The following CLMN variants were observed in gnomAD, a reference collection of about 807,000 sequenced individuals.
The protein encoded by CLMN is calmin.
A neutral mutation model predicts 92.7 loss-of-function variants in CLMN; 57 were observed. That is an observed-to-expected ratio of 0.61 (90% CI 0.50 to 0.77). CLMN has a LOEUF of 0.77. Ranked by LOEUF, CLMN falls within the 30% of genes least tolerant of loss-of-function variation. The pLI, the probability that CLMN is intolerant of heterozygous loss-of-function variation, is 0.00. For missense variants in CLMN, 1,158 were observed against 1,237.5 expected (o/e 0.94, Z 0.96); for synonymous variants, 466 against 470.6 (o/e 0.99, Z 0.13).
Position 95,203,023 on chromosome 14 carries a change from C to T in CLMN, c.2326G>A (p.Gly776Ser). 1 of 1,614,132 alleles carries T rather than the reference C, an allele frequency of 6.2e-7. No individual in the cohort carries two copies. The highest frequency in any genetic ancestry group is 2.2e-5 in the East Asian group (1 of 44,874). The change falls in exon 9 of 13, where the codon GGC becomes AGC. Residue 776 changes from glycine to serine, a missense_variant. By Grantham distance (56) the Gly-to-Ser change is moderately conservative. Coordinates refer to ENST00000298912, the MANE Select transcript of CLMN (RefSeq NM_024734.4). Reference sequence around the variant, plus strand: ...GAGGAACTGGAGCTGCTCTGAGAGCCATCGGCCTCCTCCTCCCTGGAGTCC... The same window carrying T: ...GAGGAACTGGAGCTGCTCTGAGAGCTATCGGCCTCCTCCTCCCTGGAGTCC... ...DLDSREEEAD[G>S]SQSSSSSSVP...
chr14:95,303,314 T>C (rs962066777), intron 1 of CLMN, among the ~76,000 whole-genome samples: 1 of 152,206 alleles, frequency 6.6e-6, no homozygotes, highest in African/African-American at 2.4e-5. Flanking sequence ...CAAAGCACCC[T>C]ATGTGCAGCA....
chr14:95,213,311 T>C lies in CLMN; in HGVS notation c.516A>G (p.Thr172=), dbSNP rs2140597135. The stretch of plus-strand genomic sequence containing the variant: ...TTGCCACGCTCCTCTCTGCAGTGGG[T>C]GTGGGTGGGAAGGATGAGTCTGAGT... ...GTDSDSSFPP[T]PTAERSVAIS... The change falls in exon 6 of 13, where the codon ACA becomes ACG. Residue 172 remains threonine, a synonymous_variant. Coordinates refer to ENST00000298912, the MANE Select transcript of CLMN (RefSeq NM_024734.4). 6.2e-7 allele frequency: 1 copy of C among 1,613,656 alleles called. No homozygotes were observed. The highest frequency in any genetic ancestry group is 2.2e-5 in the East Asian group (1 of 44,868).
intron 1 of CLMN, among the ~76,000 whole-genome samples, chr14:95,250,387 G>A (rs1898734144): frequency 6.6e-6 from 1 of 152,180 alleles, no homozygotes; most frequent in African/African-American, 2.4e-5. Flanking sequence ...ACATACTTCA[G>A]TAATAAGCAT....
intron 1 of CLMN, among the ~76,000 whole-genome samples, chr14:95,304,658 AGTACAATTGTACTGATTGTACAGATTGTT>A (rs1244994950): frequency 1.3e-5 from 2 of 152,130 alleles, no homozygotes; most frequent in East Asian, 3.9e-4. Context: ...CAATCTATAT[AGTACAATTGTACTGATTGTACAGATTGTT>A]GTACAATCTG....
chr14:95,306,637 A>C (rs28733134), intron 1 of CLMN, among the ~76,000 whole-genome samples: 15 of 152,262 alleles, frequency 9.9e-5, no homozygotes. Flanking sequence ...TAATAAGCGC[A>C]TACCCCACGA....
At position 95,299,118 on chromosome 14, in the gene CLMN, C is replaced by G. The variant is rs181969985; in HGVS notation, c.82+20593G>C. On this transcript the variant is annotated intron_variant, in intron 1 of 12. Transcript: ENST00000298912. ...GTGATTGAACCAGACAAAAATCCTG[C>G]CCTGTTAGCACATGGTCTAATGGGA... Among the ~76,000 whole-genome samples, 112 of 152,288 alleles carry G rather than the reference C, an allele frequency of 7.4e-4. 1 individual carries two copies. Among genetic ancestry groups the G allele is most frequent in the Non-Finnish European group, 7.4e-5 (5 of 68,026 alleles).
chr14:95,277,694 C>A (rs1899988368), intron 1 of CLMN, among the ~76,000 whole-genome samples: 1 of 152,232 alleles, frequency 6.6e-6, no homozygotes, highest in Non-Finnish European at 1.5e-5. Flanking sequence ...GTGGCACGAT[C>A]TTGGCTCACT....
At chr14:95,262,036 G>A (rs962594056) in intron 1 of CLMN, among the ~76,000 whole-genome samples, 17 of 152,262 alleles carry the variant, frequency 1.1e-4, no homozygotes, top group Non-Finnish European at 2.1e-4. Context: ...GCTGACAGGC[G>A]CTGGGGCTGG....
rs533024180 is a variant in CLMN, at chr14:95,264,307, T to G, written c.83-34174A>C. Among the ~76,000 whole-genome samples the G allele has an allele frequency of 4.5e-4, 69 of 152,220 alleles. 1 individual carries two copies. Among genetic ancestry groups the G allele is most frequent in the African/African-American group, 1.6e-3 (67 of 41,526 alleles). On this transcript the variant is annotated intron_variant, in intron 1 of 12. Coordinates refer to ENST00000298912, the MANE Select transcript of CLMN (RefSeq NM_024734.4). Reference sequence around the variant, plus strand: ...GCCTTGGCCTCCCAAAGTGCTGAGATTATAGGCATGAGCCACTGTGCCGGA... The same window carrying G: ...GCCTTGGCCTCCCAAAGTGCTGAGAGTATAGGCATGAGCCACTGTGCCGGA...
At chr14:95,267,748 T>C (rs1305660291) in intron 1 of CLMN, among the ~76,000 whole-genome samples, 3 of 152,274 alleles carry the variant, frequency 2.0e-5, no homozygotes, top group East Asian at 3.9e-4. Context: ...CTATTCACAA[T>C]AGCCAAAATA....
At chr14:95,234,975 G>A (rs115938698) in intron 1 of CLMN, among the ~76,000 whole-genome samples, 8,999 of 152,182 alleles carry the variant, frequency 0.059, 315 homozygotes, top group African/African-American at 0.063. Flanking sequence ...TGTTGCCCAG[G>A]AGAAAGTCTT....
intron 1 of CLMN, among the ~76,000 whole-genome samples, chr14:95,299,991 G>A (rs1274364833): frequency 6.6e-6 from 1 of 152,236 alleles, no homozygotes; most frequent in Non-Finnish European, 1.5e-5. Context: ...CCTCATCATT[G>A]TTTTTCTAGG....
intron 1 of CLMN, among the ~76,000 whole-genome samples, chr14:95,273,423 A>G (rs1210403656): frequency 6.6e-6 from 1 of 152,156 alleles, no homozygotes; most frequent in Non-Finnish European, 1.5e-5. Context: ...GAAGAAGGAG[A>G]AGGAGTTTAT....
At chr14:95,315,729 G>T (rs1056552033) in intron 1 of CLMN, among the ~76,000 whole-genome samples, 1 of 152,182 alleles carries the variant, frequency 6.6e-6, no homozygotes, top group African/African-American at 2.4e-5. Flanking sequence ...AACGCCAAAA[G>T]CACCAGAATG....
intron 1 of CLMN, among the ~76,000 whole-genome samples, chr14:95,244,427 C>T (rs1898380644): frequency 6.6e-6 from 1 of 152,188 alleles, no homozygotes; most frequent in Non-Finnish European, 1.5e-5. Flanking sequence ...TGAGTTTTCT[C>T]CTTATCCACA....
intron 1 of CLMN, among the ~76,000 whole-genome samples, chr14:95,271,845 C>G (rs950614707): frequency 1.3e-5 from 2 of 152,248 alleles, no homozygotes; most frequent in African/African-American, 4.8e-5. Flanking sequence ...AAGGTATGCA[C>G]TATCTTGACT....
intron 2 of CLMN, among the ~76,000 whole-genome samples, chr14:95,224,076 T>A (rs779878339): frequency 6.6e-6 from 1 of 152,154 alleles, no homozygotes; most frequent in Non-Finnish European, 1.5e-5. Flanking sequence ...CAGAGAAGAT[T>A]CACCAAGAGG....
chr14:95,242,588 C>T (rs1390846866), intron 1 of CLMN, among the ~76,000 whole-genome samples: 6 of 102,348 alleles, frequency 5.9e-5, no homozygotes, highest in African/African-American at 1.3e-4. Flanking sequence ...TTTTTTGAGA[C>T]GGAGTCTCGC....
chr14:95,226,307 GT>G (rs1350075274), intron 2 of CLMN, among the ~76,000 whole-genome samples: 2 of 151,992 alleles, frequency 1.3e-5, no homozygotes, highest in Non-Finnish European at 2.9e-5. Flanking sequence ...GTAAATAGTT[GT>G]TATACTCTAT....
Sources: gnomAD v4.1 joint callset for allele counts (sites outside exome capture counted in the v4.1 genomes callset) on GRCh38, gnomAD v4.1.1 for gene constraint, MANE v1.5 for transcripts, NCBI Gene and HGNC (gene_info 2026-07-23, HGNC 2026-07-21) for gene names.